The following NRXN2 variants were observed in gnomAD, a reference collection of about 807,000 sequenced individuals.
The protein encoded by NRXN2 is neurexin-2-beta.
In NRXN2, 29 loss-of-function variants were observed where a neutral mutation model predicts 128.8. The observed-to-expected ratio is 0.23, with a 90% CI of 0.17 to 0.31. NRXN2 has a LOEUF of 0.31. NRXN2 is among the 10% of genes least tolerant of loss of function. The pLI, the probability that NRXN2 is intolerant of heterozygous loss-of-function variation, is 1.00. For synonymous variants in NRXN2, 1,098 were observed against 1,075.2 expected, an observed-to-expected ratio of 1.02 and a Z score of -0.41; for missense variants, 1,881 against 2,452.6, an observed-to-expected ratio of 0.77 and a Z score of 4.92.
intron 22 of NRXN2, among the ~76,000 whole-genome samples, chr11:64,610,558 T>C (rs533682898): frequency 3.3e-5 from 5 of 152,298 alleles, no homozygotes; most frequent in Non-Finnish European, 5.9e-5. Flanking sequence ...TGAGTTCCTG[T>C]GTGACTGTGG....
At position 64,635,650 on chromosome 11, in the gene NRXN2, C is replaced by T. The variant is rs932381693; in HGVS notation, c.3404-198G>A. Among the ~76,000 whole-genome samples the T allele has an allele frequency of 5.9e-5, 9 of 152,102 alleles. No individual in the cohort carries two copies. Among genetic ancestry groups the T allele is most frequent in the African/African-American group, 1.9e-4 (8 of 41,416 alleles). The stretch of plus-strand genomic sequence containing the variant: ...GTGCCTGGGTGAGAGCCTGTGCACG[C>T]GCACAGACAGATGTAGCTGCCTCAT... On this transcript the variant is annotated intron_variant, in intron 17 of 22. Transcript: ENST00000265459. The surrounding 1 kb of genome is among the most constrained non-coding windows in gnomAD (Gnocchi z 4.8).
Position 64,607,929 on chromosome 11 carries a change from C to T in NRXN2, c.4406G>A (p.Arg1469His), listed in dbSNP as rs2039938203. 3.3e-6 allele frequency: 5 copies of T among 1,530,788 alleles called. No homozygotes were observed. Among genetic ancestry groups the T allele is most frequent in the African/African-American group, 2.8e-5 (2 of 71,808 alleles). 94.8% of individuals were successfully genotyped at this position (1,530,788 alleles called of 1,614,324 possible). ...GCACGGGCCCCCAGAGGGCGGGCGG[C>T]GCGCGGCGGGCGGGGGCAGCGTGTC... Reference protein sequence around the residue: ...TQDTLPPPAARRPPSGGPCQA... With the variant: ...TQDTLPPPAAHRPPSGGPCQA... The change falls in exon 23 of 23, where the codon CGC becomes CAC. Residue 1469 changes from arginine (R) to histidine (H), a missense_variant. Arg to His is a conservative substitution (Grantham distance 29, BLOSUM62 0). Around this residue, in one of 7 missense-constraint regions of NRXN2, gnomAD observed 310 missense variants for 318.2 expected, o/e 0.97. Coordinates refer to ENST00000265459, the MANE Select transcript of NRXN2 (RefSeq NM_015080.4).
At chr11:64,655,702 C>G (rs1013711318) in intron 11 of NRXN2, among the ~76,000 whole-genome samples, 1 of 152,160 alleles carries the variant, frequency 6.6e-6, no homozygotes, top group African/African-American at 2.4e-5. Flanking sequence ...CAGGCCCACC[C>G]CTGCAGAGAC....
chr11:64,655,073 T>A (rs2048053369), intron 11 of NRXN2, among the ~76,000 whole-genome samples: 1 of 152,286 alleles, frequency 6.6e-6, no homozygotes, highest in East Asian at 1.9e-4. Flanking sequence ...AGGCTCTGCC[T>A]ACCCCACAGC....
chr11:64,607,692 C>T lies in NRXN2; in HGVS notation c.4643G>A (p.Gly1548Glu). 1 of 1,541,104 alleles carries T rather than the reference C, an allele frequency of 6.5e-7. No individual in the cohort carries two copies. The highest frequency in any genetic ancestry group is 8.8e-7 in the Non-Finnish European group (1 of 1,140,460). ...CGGGGCGGAGGGGGCAAACAGCACC[C>T]CAGGGGCGCCCGTGGCCCCATCTGT... is the stretch of plus-strand genomic sequence containing the variant. Reference protein sequence around the residue: ...LRTDGATGAPGVLFAPSAPAP... With the variant: ...LRTDGATGAPEVLFAPSAPAP... Residue 1548 changes from glycine to glutamate, a missense_variant, in exon 23 of 23, where the codon GGG becomes GAG. Transcript: ENST00000265459.
chr11:64,626,233 C>A (rs527501747), intron 20 of NRXN2, among the ~76,000 whole-genome samples: 1 of 152,094 alleles, frequency 6.6e-6, no homozygotes, highest in East Asian at 1.9e-4. Flanking sequence ...GAGAACAAGA[C>A]TCTCCCTACT....
At position 64,656,663 on chromosome 11, in the gene NRXN2, C is replaced by T. The variant is rs147797238; in HGVS notation, c.2390-2941G>A. 1.1e-3 allele frequency among the ~76,000 whole-genome samples: 173 copies of T among 152,226 alleles called. 1 individual carries two copies. The highest frequency in any genetic ancestry group is 3.9e-3 in the African/African-American group (163 of 41,538). On this transcript the variant is annotated intron_variant, in intron 11 of 22. Coordinates refer to ENST00000265459, the MANE Select transcript of NRXN2 (RefSeq NM_015080.4). Reference sequence around the variant, plus strand: ...GGGGCACACCTAGTAGAGGACAGTGCCCAGCCTGGCCTGTCCTCTCCTCCC... The same window carrying T: ...GGGGCACACCTAGTAGAGGACAGTGTCCAGCCTGGCCTGTCCTCTCCTCCC...
intron 21 of NRXN2, among the ~76,000 whole-genome samples, chr11:64,621,492 G>T (rs1364074447): frequency 6.6e-6 from 1 of 152,170 alleles, no homozygotes; most frequent in East Asian, 1.9e-4. Context: ...GAGGAAGTGG[G>T]TACAGGCTTG....
intron 14 of NRXN2, among the ~76,000 whole-genome samples, chr11:64,650,867 C>T (rs760550781): frequency 6.6e-6 from 1 of 152,144 alleles, no homozygotes; most frequent in Non-Finnish European, 1.5e-5. Context: ...GCTCTTGTGA[C>T]ACAACCTCAG....
chr11:64,666,181 C>T (rs1007630815), intron 9 of NRXN2, among the ~76,000 whole-genome samples: 1 of 151,768 alleles, frequency 6.6e-6, no homozygotes, highest in African/African-American at 2.4e-5. Flanking sequence ...ACAGTGGGTG[C>T]TCAGTAACTG....
At position 64,606,516 on chromosome 11, in the gene NRXN2, C is replaced by T. The variant is rs71579872; in HGVS notation, c.*680G>A. 7.0e-6 allele frequency: 1 copy of T among 142,818 alleles called. No individual in the cohort carries two copies. The highest frequency in any genetic ancestry group is 2.6e-5 in the African/African-American group (1 of 38,654). 8.8% of individuals were successfully genotyped at this position (142,818 alleles called of 1,614,324 possible). A position where few individuals can be genotyped will look rare whatever the true frequency, so the allele number is the denominator to read the frequency against. ...CGCCCGGCGGCACACACAGAACAGG[C>T]CTTCCGTCAGGCCTGAGCCCCTTCC... On this transcript the variant is annotated 3_prime_UTR_variant, in exon 23 of 23. Coordinates refer to ENST00000265459, the MANE Select transcript of NRXN2 (RefSeq NM_015080.4).
intron 2 of NRXN2, among the ~76,000 whole-genome samples, chr11:64,702,153 C>A (rs2055546353): frequency 1.4e-5 from 2 of 144,590 alleles, no homozygotes; most frequent in African/African-American, 5.1e-5. Context: ...CCCACCCGGC[C>A]AGCCGCCCCG....
At chr11:64,707,093 T>C (rs2056413851) in intron 2 of NRXN2, among the ~76,000 whole-genome samples, 1 of 151,270 alleles carries the variant, frequency 6.6e-6, no homozygotes, top group African/African-American at 2.4e-5. Flanking sequence ...TAAAGAAAAA[T>C]GGGTCAGGTG....
intron 22 of NRXN2, among the ~76,000 whole-genome samples, chr11:64,613,268 C>T (rs547376900): frequency 1.3e-5 from 2 of 152,378 alleles, no homozygotes; most frequent in Admixed American, 6.5e-5. Context: ...GGACCTCTGG[C>T]TCTGGCATGT....
intron 22 of NRXN2, among the ~76,000 whole-genome samples, chr11:64,612,144 A>T (rs1001175614): frequency 1.3e-5 from 2 of 152,052 alleles, no homozygotes; most frequent in Non-Finnish European, 2.9e-5. Flanking sequence ...CGGATCACAC[A>T]CCAGTTCAGG....
intron 22 of NRXN2, among the ~76,000 whole-genome samples, chr11:64,609,716 G>A (rs1565167186): frequency 6.6e-6 from 1 of 152,196 alleles, no homozygotes; most frequent in Non-Finnish European, 1.5e-5. Flanking sequence ...GGTGGCTGGT[G>A]GGAGGACTTG....
In NRXN2 at chr11:64,719,351, C is replaced by T. The variant is rs536578904; in HGVS notation, c.-245+3620G>A. Among the ~76,000 whole-genome samples the T allele has an allele frequency of 6.6e-5, 10 of 152,340 alleles. No individual in the cohort carries two copies. In the East Asian group the frequency reaches 1.9e-3, roughly 29 times the overall value. ...AGCTGGGATTCAGATTTGGTTCTGT[C>T]TAATCCCTATCCCTCGTGTCCTCCT... On this transcript the variant is annotated intron_variant, in intron 1 of 22. Coordinates refer to ENST00000265459, the MANE Select transcript of NRXN2 (RefSeq NM_015080.4).
At position 64,655,501 on chromosome 11, in the gene NRXN2, G is replaced by C. The variant is rs538100256; in HGVS notation, c.2390-1779C>G. On this transcript the variant is annotated intron_variant, in intron 11 of 22. Coordinates refer to ENST00000265459, the MANE Select transcript of NRXN2 (RefSeq NM_015080.4). ...GTGCCAGGCCCTGGAGTCAGGTCAC[G>C]GGGGCTCTCTCGGGGCCAGCAGAGT... Among the ~76,000 whole-genome samples, 3 of 152,158 alleles carry C rather than the reference G, an allele frequency of 2.0e-5. No homozygotes were observed. The East Asian group carries it at 5.8e-4, about 29-fold the overall frequency.
At chr11:64,640,368 C>T (rs2045479551) in intron 17 of NRXN2, among the ~76,000 whole-genome samples, 1 of 152,220 alleles carries the variant, frequency 6.6e-6, no homozygotes, top group Admixed American at 6.5e-5. Flanking sequence ...TCCTCTTCCA[C>T]ACTCTCTTCA....
Sources: allele counts gnomAD v4.1 joint callset (sites outside exome capture counted in the v4.1 genomes callset), GRCh38; gene constraint gnomAD v4.1.1; regional missense constraint gnomAD v4.1.1; non-coding constraint Gnocchi (gnomAD v3.1); transcripts MANE v1.5; gene names NCBI Gene and HGNC (gene_info 2026-07-23, HGNC 2026-07-21).